The following STX2 variants were observed in gnomAD, a reference collection of about 807,000 sequenced individuals.
STX2 encodes the protein syntaxin 2, also known as syntaxin-2.
STX2 carries 27 observed loss-of-function variants against 40.6 expected under a neutral mutation model. The ratio of observed to expected loss-of-function variants is 0.66; its 90% CI spans 0.49 to 0.92. The LOEUF (loss-of-function observed/expected upper bound fraction) is 0.92, where lower values mean the gene tolerates loss of function less well. Among genes scored for constraint, STX2 ranks in the 40% least tolerant of loss-of-function variants. The probability of loss-of-function intolerance (pLI) is 0.00; values close to 1 mark genes in which losing one functional copy is unlikely to be tolerated. For missense variants in STX2, 328 were observed against 366.1 expected, an observed-to-expected ratio of 0.90 and a Z score of 0.85; for synonymous variants, 123 against 119.1, an observed-to-expected ratio of 1.03 and a Z score of -0.22.
chr12:130,831,724 T>TG (rs1218188022), intron 1 of STX2, among the ~76,000 whole-genome samples: 4 of 152,182 alleles, frequency 2.6e-5, no homozygotes, highest in African/African-American at 9.7e-5. Context: ...TTTTGTATGG[T>TG]GAATTACACT....
At chr12:130,808,269 C>T (rs1210381432) in intron 5 of STX2, among the ~76,000 whole-genome samples, 1 of 152,186 alleles carries the variant, frequency 6.6e-6, no homozygotes, top group Non-Finnish European at 1.5e-5. Context: ...CAAAGCCTCA[C>T]AGCAGTGTGG....
chr12:130,805,257 C>G (rs974719065), intron 6 of STX2, among the ~76,000 whole-genome samples: 1 of 152,154 alleles, frequency 6.6e-6, no homozygotes, highest in Non-Finnish European at 1.5e-5. Context: ...CTTGAAATAA[C>G]CACAAACCCA....
At position 130,789,992 on chromosome 12, in the gene STX2, A is replaced by G. The variant is rs886456716; in HGVS notation, c.*2031T>C. 1 of 152,226 alleles carries G rather than the reference A, an allele frequency of 6.6e-6. No homozygotes were observed. The highest frequency in any genetic ancestry group is 1.5e-5 in the Non-Finnish European group (1 of 68,036). The allele number at this position is 152,226 out of a possible 1,614,324, so 9.4% of individuals were successfully genotyped here. ...ACTCATATGACAGACCTTGAAGGAA[A>G]GGTGGGACATCACGGGAGGCAGGTC... is the stretch of plus-strand genomic sequence containing the variant. On this transcript the variant is annotated 3_prime_UTR_variant, in exon 11 of 11. Transcript: ENST00000392373.
chr12:130,831,398 C>T (rs1565938624), intron 1 of STX2, among the ~76,000 whole-genome samples: 1 of 152,236 alleles, frequency 6.6e-6, no homozygotes, highest in Non-Finnish European at 1.5e-5. Context: ...GGTGCGGCAG[C>T]TCATGCCTGT....
intron 3 of STX2, among the ~76,000 whole-genome samples, chr12:130,820,430 G>GC (rs1952068060): frequency 1.3e-5 from 2 of 152,316 alleles, no homozygotes; most frequent in South Asian, 4.1e-4. Flanking sequence ...ACTTTGGGAG[G>GC]CCGAGGCAGG....
intron 3 of STX2, among the ~76,000 whole-genome samples, chr12:130,820,189 C>A (rs929315514): frequency 5.3e-5 from 8 of 152,064 alleles, no homozygotes; most frequent in Non-Finnish European, 8.8e-5. Flanking sequence ...AACTAACAAG[C>A]ATAAGAGCTG....
intron 8 of STX2, 130 bp from the exon 9 acceptor site, chr12:130,798,765 A>G: frequency 1.8e-6 from 1 of 550,280 alleles, no homozygotes; most frequent in Non-Finnish European, 3.0e-6. Flanking sequence ...GGTTTTTTTC[A>G]CATTTACAGA....
chr12:130,804,857 T>C (rs1793502832), intron 6 of STX2, among the ~76,000 whole-genome samples: 1 of 152,168 alleles, frequency 6.6e-6, no homozygotes, highest in Admixed American at 6.5e-5. Flanking sequence ...CGATAGAGTA[T>C]GATTGCAAGA....
intron 10 of STX2, among the ~76,000 whole-genome samples, chr12:130,794,793 T>C (rs1037076300): frequency 1.3e-5 from 2 of 152,218 alleles, no homozygotes; most frequent in African/African-American, 4.8e-5. Flanking sequence ...GTTAACTTTT[T>C]AAAAAGCCTT....
intron 5 of STX2, among the ~76,000 whole-genome samples, chr12:130,807,758 TAA>T (rs1392702122): frequency 6.6e-6 from 1 of 152,190 alleles, no homozygotes; most frequent in Non-Finnish European, 1.5e-5. Context: ...TTCTTCACAA[TAA>T]AGAGATTTCT....
At chr12:130,831,347 G>A (rs1344629271) in intron 1 of STX2, among the ~76,000 whole-genome samples, 1 of 152,170 alleles carries the variant, frequency 6.6e-6, no homozygotes, top group Admixed American at 6.5e-5. Context: ...GGTAAAAAAA[G>A]AAAAGAATAC....
intron 9 of STX2, among the ~76,000 whole-genome samples, chr12:130,796,877 A>G (rs1951045857): frequency 1.3e-5 from 2 of 151,922 alleles, no homozygotes; most frequent in South Asian, 4.1e-4. Flanking sequence ...GAAAAAAAAA[A>G]CCCTTCTACA....
At position 130,801,155 on chromosome 12, in the gene STX2, G is replaced by C. The variant is rs753648911; in HGVS notation, c.673C>G (p.Gln225Glu). 1 of 1,610,676 alleles carries C rather than the reference G, an allele frequency of 6.2e-7. No homozygotes were observed. Among genetic ancestry groups the C allele is most frequent in the South Asian group, 1.1e-5 (1 of 90,566 alleles). ...AGAATGCAAGAGTCTGTAACTACCT[G>C]AGTCTCCACAAACATAGCCATGTCC... Reference protein sequence around the residue: ...FMDMAMFVETQGEMINNIERN... With the variant: ...FMDMAMFVETEGEMINNIERN... Residue 225 changes from glutamine to glutamate, a missense_variant and splice_region_variant, in exon 8 of 11, where the codon CAG becomes GAG. By Grantham distance (29) the Gln-to-Glu change is conservative (BLOSUM62 2). Transcript: ENST00000392373.
At chr12:130,804,946 C>T (rs372239888) in intron 6 of STX2, among the ~76,000 whole-genome samples, 19 of 151,706 alleles carry the variant, frequency 1.3e-4, no homozygotes, top group African/African-American at 4.3e-4. Context: ...GATCTGATCA[C>T]GCCACCGGAT....
At chr12:130,817,632 C>T (rs917864868) in intron 3 of STX2, among the ~76,000 whole-genome samples, 2 of 151,774 alleles carry the variant, frequency 1.3e-5, no homozygotes, top group African/African-American at 2.4e-5. Flanking sequence ...AAAAAGAAAA[C>T]GAAAACCACA....
chr12:130,791,985 A>C lies in STX2; in HGVS notation c.*46-8T>G. On this transcript the variant is annotated splice_region_variant and splice_polypyrimidine_tract_variant and intron_variant, in intron 10 of 10. Transcript: ENST00000392373. ...AATAATGAACATCAATTTCTGCAAG[A>C]TAAAGAAAAACATTAATTTGCAATG... The C allele has an allele frequency of 1.9e-6, 3 of 1,575,778 alleles. No individual in the cohort carries two copies. The highest frequency in any genetic ancestry group is 2.6e-6 in the Non-Finnish European group (3 of 1,148,424).
Position 130,808,648 on chromosome 12 carries a change from G to C in STX2, c.337C>G (p.Arg113Gly), listed in dbSNP as rs751887100. The change falls in exon 5 of 11, where the codon CGG becomes GGG. Residue 113 changes from arginine (R) to glycine (G), a missense_variant. Coordinates refer to ENST00000392373, the MANE Select transcript of STX2 (RefSeq NM_194356.4). Reference protein sequence around the residue: ...ESGNRTSVDLRIRRTQHSVLS... With the variant: ...ESGNRTSVDLGIRRTQHSVLS... ...TAGCAAACCTGGGTTCTTCGTATCCGAAGATCCACTGAAGTCCGGTTCCCA... is the reference window on the plus strand; with the variant it reads ...TAGCAAACCTGGGTTCTTCGTATCCCAAGATCCACTGAAGTCCGGTTCCCA... 1 of 1,613,274 alleles carries C rather than the reference G, an allele frequency of 6.2e-7. No individual in the cohort carries two copies. Among genetic ancestry groups the C allele is most frequent in the Admixed American group, 1.7e-5 (1 of 59,848 alleles).
chr12:130,803,534 G>A (rs946392916), intron 6 of STX2, among the ~76,000 whole-genome samples: 7 of 151,912 alleles, frequency 4.6e-5, no homozygotes, highest in Admixed American at 1.3e-4. Context: ...AGGTATGGTG[G>A]TGTGCTTCTG....
intron 3 of STX2, among the ~76,000 whole-genome samples, chr12:130,818,185 A>AAAAAAAAAAAAAAAAAT: frequency 2.8e-5 from 2 of 70,546 alleles, no homozygotes; most frequent in African/African-American, 2.4e-4. Flanking sequence ...AAAAAAAAAA[A>AAAAAAAAAAAAAAAAAT]ATATATATAT....
Sources: gnomAD v4.1 joint callset for allele counts (sites outside exome capture counted in the v4.1 genomes callset) on GRCh38, gnomAD v4.1.1 for gene constraint, MANE v1.5 for transcripts, NCBI Gene and HGNC (gene_info 2026-07-23, HGNC 2026-07-21) for gene names.